Variants in CMYA5 observed in about 807,000 individuals in gnomAD.
The protein encoded by CMYA5 is cardiomyopathy-associated protein 5.
CMYA5 carries 246 observed loss-of-function variants against 318.9 expected under a neutral mutation model. That is an observed-to-expected ratio of 0.77 (90% confidence interval 0.70 to 0.86). CMYA5 has a LOEUF of 0.86. Ranked by LOEUF, CMYA5 falls within the 40% of genes least tolerant of loss-of-function variation. The pLI is 0.00. For missense variants in CMYA5, 4,589 were observed against 4,678.2 expected, an observed-to-expected ratio of 0.98 and a Z score of 0.56; for synonymous variants, 1,641 against 1,729.5, an observed-to-expected ratio of 0.95 and a Z score of 1.27.
At chr5:79,709,960 C>CAAAAAAAAAAAAAAAAAAAAA (rs61657639) in intron 1 of CMYA5, among the ~76,000 whole-genome samples, 2 of 24,324 alleles carry the variant, frequency 8.2e-5, no homozygotes, top group African/African-American at 3.0e-4. Context: ...GACTCCATCT[C>CAAAAAAAAAAAAAAAAAAAAA]AAAAAAAAAA....
In CMYA5 at chr5:79,731,970, T is replaced by G. The variant is rs1284948804; in HGVS notation, c.3205T>G (p.Phe1069Val). ...ATCACAGAAGCAAAAAGCTGAAACT[T>G]TCCCTTTGATGTCTCCGCTTGAAGA... The part of the protein sequence containing the change: ...SSSQKQKAET[F>V]PLMSPLEDLS... The change falls in exon 2 of 13, where the codon TTC (phenylalanine) becomes GTC (valine). Residue 1069 changes from phenylalanine (F) to valine (V), a missense_variant. Phe to Val is a conservative substitution (Grantham distance 50). Around this residue, in one of 3 missense-constraint regions of CMYA5, gnomAD observed 2,132 missense variants for 2,131.3 expected, o/e 1.00. Transcript: ENST00000446378. The G allele has an allele frequency of 6.2e-7, 1 of 1,613,592 alleles. No individual in the cohort carries two copies.
At chr5:79,719,102 G>GT (rs1409560951) in intron 1 of CMYA5, among the ~76,000 whole-genome samples, 2 of 151,998 alleles carry the variant, frequency 1.3e-5, no homozygotes, top group Non-Finnish European at 2.9e-5. Flanking sequence ...AAGTGTAGGG[G>GT]TTTTTTTAAG....
intron 9 of CMYA5, among the ~76,000 whole-genome samples, chr5:79,777,588 G>C (rs1298857663): frequency 6.6e-6 from 1 of 151,734 alleles, no homozygotes; most frequent in Admixed American, 6.6e-5. Context: ...CCTGGCCAAC[G>C]TGGTGAAACC....
In CMYA5 at chr5:79,736,799, G is replaced by C. The variant is rs776385526; in HGVS notation, c.8034G>C (p.Glu2678Asp). ...GTGAAGAAAAAGAACAGTTCAGAGAGTCAGAGCTATCGAAAGGCGGTTCAG... is the reference window on the plus strand; with the variant it reads ...GTGAAGAAAAAGAACAGTTCAGAGACTCAGAGCTATCGAAAGGCGGTTCAG... ...DHSEEKEQFRESELSKGGSVD... is the reference protein window; with the variant it reads ...DHSEEKEQFRDSELSKGGSVD... The change falls in exon 2 of 13, where the codon GAG (glutamate) becomes GAC (aspartate). Residue 2678 changes from glutamate (E) to aspartate (D), a missense_variant. Coordinates refer to ENST00000446378, the MANE Select transcript of CMYA5 (RefSeq NM_153610.5). 1.2e-6 allele frequency: 2 copies of C among 1,612,126 alleles called. No homozygotes were observed. Among genetic ancestry groups the C allele is most frequent in the Non-Finnish European group, 1.7e-6 (2 of 1,179,640 alleles).
rs1306767229 is a variant in CMYA5 at position 79,733,993 on chromosome 5, C to T, written c.5228C>T (p.Pro1743Leu). The T allele has an allele frequency of 1.9e-6, 3 of 1,613,622 alleles. No individual in the cohort carries two copies. The highest frequency in any genetic ancestry group is 2.2e-5 in the South Asian group (2 of 91,072). The change falls in exon 2 of 13, where the codon CCA becomes CTA. Residue 1743 changes from proline to leucine, a missense_variant. This residue lies in a region of CMYA5 where 2,132 missense variants were observed against 2,131.3 expected (regional missense o/e 1.00). Transcript: ENST00000446378. ...GGAGGCAACCCAGAAGAATTTCAGC[C>T]ATTTACTTTTTCTTTAAAAGGATTA... ...AEGGNPEEFQPFTFSLKGLSE... is the reference protein window; with the variant it reads ...AEGGNPEEFQLFTFSLKGLSE...
chr5:79,745,156 A>G (rs1255835866), intron 3 of CMYA5, 66 bp from the exon 4 acceptor site: 2 of 740,778 alleles, frequency 2.7e-6, no homozygotes, highest in South Asian at 2.9e-5. Context: ...GGTGTTTCCA[A>G]AAAAAAAAAA....
At position 79,738,384 on chromosome 5, in the gene CMYA5, G is replaced by A. The variant is rs1828133908; in HGVS notation, c.9619G>A (p.Glu3207Lys). The change falls in exon 2 of 13, where the codon GAA becomes AAA. Residue 3207 changes from glutamate (E) to lysine (K), a missense_variant. Around this residue, in one of 3 missense-constraint regions of CMYA5, gnomAD observed 2,431 missense variants for 2,495.1 expected, o/e 0.97. Transcript: ENST00000446378. ...YEEAVGEKKK[E>K]EETASEGDSV... is the part of the protein sequence containing the mutation. ...AGAAGCAGTTGGAGAGAAAAAGAAG[G>A]AAGAGGAGACAGCTTCTGAAGGTGA... 1 of 1,613,736 alleles carries A rather than the reference G, an allele frequency of 6.2e-7. No individual in the cohort carries two copies. The highest frequency in any genetic ancestry group is 8.5e-7 in the Non-Finnish European group (1 of 1,179,826).
At chr5:79,766,098 T>G (rs1182717294) in intron 9 of CMYA5, among the ~76,000 whole-genome samples, 1 of 151,914 alleles carries the variant, frequency 6.6e-6, no homozygotes, top group East Asian at 1.9e-4. Context: ...CAGTTTGTTT[T>G]ATTTATTTAT....
intron 1 of CMYA5, among the ~76,000 whole-genome samples, chr5:79,710,619 C>G (rs1393073534): frequency 2.0e-5 from 3 of 152,096 alleles, no homozygotes; most frequent in Admixed American, 6.5e-5. Context: ...GCTGGGATTA[C>G]TGGTTGTTTT....
chr5:79,708,982 G>A (rs1827327621), intron 1 of CMYA5, among the ~76,000 whole-genome samples: 1 of 152,164 alleles, frequency 6.6e-6, no homozygotes, highest in East Asian at 1.9e-4. Context: ...TTTTAAAAAT[G>A]GTAGTTACCA....
At chr5:79,798,265 C>A (rs534169160) in intron 12 of CMYA5, among the ~76,000 whole-genome samples, 4 of 152,094 alleles carry the variant, frequency 2.6e-5, no homozygotes, top group African/African-American at 9.7e-5. Context: ...CCAGACCCGT[C>A]GCTTACCCAG....
rs751686303 is a variant in CMYA5, at chr5:79,729,331, A to C, written c.566A>C (p.Tyr189Ser). The C allele has an allele frequency of 6.2e-7, 1 of 1,612,520 alleles. No homozygotes were observed. The highest frequency in any genetic ancestry group is 2.2e-5 in the East Asian group (1 of 44,872). The change falls in exon 2 of 13, where the codon TAT becomes TCT. Residue 189 changes from tyrosine (Y) to serine (S), a missense_variant. Coordinates refer to ENST00000446378, the MANE Select transcript of CMYA5 (RefSeq NM_153610.5). ...AAAGAGAAGTCATATACTGGCATTTATGATAAAGCAAGAAAAAAGAAGACC... is the reference window on the plus strand; with the variant it reads ...AAAGAGAAGTCATATACTGGCATTTCTGATAAAGCAAGAAAAAAGAAGACC... ...TEKEKSYTGIYDKARKKKTTS... is the reference protein window; with the variant it reads ...TEKEKSYTGISDKARKKKTTS...
chr5:79,798,778 G>C (rs1829321112), intron 12 of CMYA5, among the ~76,000 whole-genome samples: 1 of 152,188 alleles, frequency 6.6e-6, no homozygotes, highest in South Asian at 2.1e-4. Context: ...TTAAAGAGAG[G>C]AATCAAAGGC....
intron 5 of CMYA5, among the ~76,000 whole-genome samples, chr5:79,752,268 G>T (rs1308394520): frequency 6.6e-6 from 1 of 152,226 alleles, no homozygotes; most frequent in Non-Finnish European, 1.5e-5. Flanking sequence ...CAGTGTGTAA[G>T]TTTCTAGATG....
At chr5:79,771,857 T>G (rs1311208309) in intron 9 of CMYA5, among the ~76,000 whole-genome samples, 1 of 152,204 alleles carries the variant, frequency 6.6e-6, no homozygotes, top group African/African-American at 2.4e-5. Context: ...CTGAATAGAC[T>G]GAGGCATCCC....
intron 1 of CMYA5, among the ~76,000 whole-genome samples, chr5:79,693,336 A>ATTTTTT (rs11319092): frequency 1.3e-4 from 18 of 135,630 alleles, no homozygotes; most frequent in Non-Finnish European, 1.4e-4. Context: ...AAGTCACACA[A>ATTTTTT]TTTTTTTTTT....
Position 79,733,471 on chromosome 5 carries a change from C to A in CMYA5, c.4706C>A (p.Ser1569Ter), listed in dbSNP as rs1025456299. The A allele has an allele frequency of 1.9e-6, 3 of 1,613,816 alleles. No homozygotes were observed. The highest frequency in any genetic ancestry group is 1.1e-5 in the South Asian group (1 of 91,076). ...PKGKDEETAS[S>*]SPELENLASG... is the part of the protein sequence containing the mutation. Reference sequence around the variant, plus strand: ...GGCAAAGATGAGGAAACAGCAAGTTCATCTCCTGAGTTGGAAAATTTAGCA... The same window carrying A: ...GGCAAAGATGAGGAAACAGCAAGTTAATCTCCTGAGTTGGAAAATTTAGCA... Residue 1569 changes from serine to a stop codon, truncating the protein, a stop_gained, in exon 2 of 13, where the codon TCA becomes TAA. Coordinates refer to ENST00000446378, the MANE Select transcript of CMYA5 (RefSeq NM_153610.5). LOFTEE classifies it high-confidence loss of function.
Position 79,758,885 on chromosome 5 carries a change from A to G in CMYA5, c.11243A>G (p.Asp3748Gly). 1.3e-6 allele frequency: 2 copies of G among 1,589,398 alleles called. No individual in the cohort carries two copies. The highest frequency in any genetic ancestry group is 1.7e-6 in the Non-Finnish European group (2 of 1,168,652). The change falls in exon 7 of 13, where the codon GAT (aspartate) becomes GGT (glycine). Residue 3748 changes from aspartate to glycine, a missense_variant. By Grantham distance (94) the Asp-to-Gly change is moderately conservative. Around this residue, in one of 3 missense-constraint regions of CMYA5, gnomAD observed 2,431 missense variants for 2,495.1 expected, o/e 0.97. Transcript: ENST00000446378. ...GTTTACTGCATGGAGGAGCCACAAG[A>G]TGATCAAGAAGTAAATGGTAGGATT... ...FQVYCMEEPQ[D>G]DQEVNELVEE...
At chr5:79,696,990 A>G (rs1223574931) in intron 1 of CMYA5, among the ~76,000 whole-genome samples, 1 of 151,928 alleles carries the variant, frequency 6.6e-6, no homozygotes, top group Non-Finnish European at 1.5e-5. Flanking sequence ...CTGGGCAAAA[A>G]GGGCAAAACT....
Sources: gnomAD v4.1 joint callset for allele counts (sites outside exome capture counted in the v4.1 genomes callset) on GRCh38, gnomAD v4.1.1 for gene constraint, gnomAD v4.1.1 regional missense constraint, MANE v1.5 for transcripts, NCBI Gene and HGNC (gene_info 2026-07-23, HGNC 2026-07-21) for gene names.